ITPR1: variants seen among roughly 807,000 people sequenced by gnomAD.
ITPR1 encodes the protein inositol 1,4,5-trisphosphate-gated calcium channel ITPR1.
Under a neutral mutation model 318.4 loss-of-function variants are expected in ITPR1, and 96 were observed. The ratio of observed to expected loss-of-function variants is 0.30; its 90% CI spans 0.26 to 0.36. The LOEUF (loss-of-function observed/expected upper bound fraction) is 0.36. Among genes scored for constraint, ITPR1 ranks in the 10% least tolerant of loss-of-function variants. The pLI is 1.00. For missense variants in ITPR1, 2,440 were observed against 3,460.2 expected (o/e 0.71, Z 7.40); for synonymous variants, 1,312 against 1,289.9 (o/e 1.02, Z -0.37).
chr3:4,642,433 A>G (rs927981764), intron 7 of ITPR1, among the ~76,000 whole-genome samples, 182 bp downstream of exon 7: 1 of 152,324 alleles, frequency 6.6e-6, no homozygotes, highest in East Asian at 1.9e-4. Context: ...AGTGTGACCT[A>G]AATACTGTCA....
At chr3:4,821,742 C>A (rs1369083489) in intron 60 of ITPR1, among the ~76,000 whole-genome samples, 1 of 152,190 alleles carries the variant, frequency 6.6e-6, no homozygotes, top group Non-Finnish European at 1.5e-5. Context: ...GAACTGCCTA[C>A]AGACAAGGTG....
Position 4,745,094 on chromosome 3 carries a change from ACT to A in ITPR1, c.5544+9741_5544+9742del, listed in dbSNP as rs534562329. 2.2e-3 allele frequency among the ~76,000 whole-genome samples: 187 copies of A among 85,416 alleles called. 1 individual carries two copies. Among genetic ancestry groups the A allele is most frequent in the African/African-American group, 8.3e-3 (173 of 20,942 alleles). The allele number at this position is 85,416 out of a possible 152,430, so 56.0% of individuals were successfully genotyped here. A position where few individuals can be genotyped will look rare whatever the true frequency, so the allele number is the denominator to read the frequency against. On this transcript the variant is annotated intron_variant, in intron 44 of 61. Coordinates refer to ENST00000649015, the MANE Select transcript of ITPR1 (RefSeq NM_001378452.1). The stretch of plus-strand genomic sequence containing the variant: ...TTTTCTTTCTTTCTCTCTCTTTCTC[ACT>A]GTCTTTTTTTTTTCTTTCCCTCCTT...
At chr3:4,567,181 G>A (rs1256758235) in intron 4 of ITPR1, among the ~76,000 whole-genome samples, 1 of 152,182 alleles carries the variant, frequency 6.6e-6, no homozygotes, top group Non-Finnish European at 1.5e-5. Context: ...AGCATTAATT[G>A]AAGAGAAGTG....
chr3:4,607,509 G>A (rs2091784640), intron 4 of ITPR1, among the ~76,000 whole-genome samples: 1 of 152,144 alleles, frequency 6.6e-6, no homozygotes, highest in African/African-American at 2.4e-5. Context: ...GATTGATCAA[G>A]GCAGGGGAAT....
intron 44 of ITPR1, chr3:4,750,900 T>G (rs1315458842): frequency 6.6e-6 from 1 of 152,648 alleles, no homozygotes; most frequent in African/African-American, 2.4e-5. Flanking sequence ...CTAAGGTGTG[T>G]TTTTTCCACC....
chr3:4,800,761 G>A (rs185189930), intron 54 of ITPR1, among the ~76,000 whole-genome samples, 161 bp downstream of exon 54: 75 of 152,342 alleles, frequency 4.9e-4, no homozygotes, highest in African/African-American at 1.3e-3. Flanking sequence ...GCAGGTGGAC[G>A]TCTCCCTCTT....
At chr3:4,619,364 T>A (rs1232853149) in intron 4 of ITPR1, among the ~76,000 whole-genome samples, 1 of 152,216 alleles carries the variant, frequency 6.6e-6, no homozygotes, top group Admixed American at 6.5e-5. Context: ...TTTCCTGAAT[T>A]TCCTCTTGTA....
chr3:4,653,621 A>G (rs1485358868), intron 11 of ITPR1, among the ~76,000 whole-genome samples: 1 of 152,066 alleles, frequency 6.6e-6, no homozygotes, highest in Non-Finnish European at 1.5e-5. Flanking sequence ...TCCTCTGTCT[A>G]TACTTGAGAG....
chr3:4,595,611 A>G (rs952259615), intron 4 of ITPR1, among the ~76,000 whole-genome samples: 1 of 152,196 alleles, frequency 6.6e-6, no homozygotes, highest in Non-Finnish European at 1.5e-5. Flanking sequence ...CATTTTATGT[A>G]TGAGGAGCTG....
At chr3:4,658,547 A>G (rs551277034) in intron 13 of ITPR1, among the ~76,000 whole-genome samples, 1 of 149,150 alleles carries the variant, frequency 6.7e-6, no homozygotes, top group South Asian at 2.2e-4. Flanking sequence ...AGTTCCCTCT[A>G]CTCCCTTCCT....
intron 4 of ITPR1, among the ~76,000 whole-genome samples, chr3:4,578,419 G>A (rs2088921484): frequency 6.6e-6 from 1 of 152,112 alleles, no homozygotes; most frequent in Non-Finnish European, 1.5e-5. Flanking sequence ...ATTCAAATGA[G>A]GAGTTGTGTG....
intron 4 of ITPR1, among the ~76,000 whole-genome samples, chr3:4,539,945 A>C (rs1471022792): frequency 6.7e-6 from 1 of 149,354 alleles, no homozygotes; most frequent in Non-Finnish European, 1.5e-5. Flanking sequence ...ACCCAGTTTC[A>C]GGTATTCTGT....
rs148631915 is a variant in ITPR1, at chr3:4,633,659, A to G, written c.280-5725A>G. Among the ~76,000 whole-genome samples, 9 of 152,312 alleles carry G rather than the reference A, an allele frequency of 5.9e-5. No individual in the cohort carries two copies. The East Asian group carries it at 1.7e-3, about 29-fold the overall frequency. On this transcript the variant is annotated intron_variant, in intron 5 of 61. Coordinates refer to ENST00000649015, the MANE Select transcript of ITPR1 (RefSeq NM_001378452.1). ...TTGACTCTCTTGGTCATGTTTTCCT[A>G]AGGGTCTCTTGACAAAATGAGCTTC...
intron 4 of ITPR1, among the ~76,000 whole-genome samples, chr3:4,625,120 C>A (rs1209658625): frequency 1.3e-5 from 2 of 152,176 alleles, no homozygotes; most frequent in East Asian, 3.9e-4. Context: ...CTATCATGGT[C>A]CCATATTTAC....
chr3:4,662,766 T>C (rs2093863497), intron 15 of ITPR1, among the ~76,000 whole-genome samples: 2 of 152,020 alleles, frequency 1.3e-5, no homozygotes, highest in African/African-American at 4.8e-5. Context: ...CACTCTCTCT[T>C]TCTGTCTCTA....
At chr3:4,812,940 C>T (rs866031552) in intron 56 of ITPR1, 2 of 589,800 alleles carry the variant, frequency 3.4e-6, no homozygotes, top group South Asian at 2.0e-5. Flanking sequence ...AGTAAGCCTA[C>T]AGGAATTGAC....
intron 5 of ITPR1, among the ~76,000 whole-genome samples, chr3:4,633,080 A>C (rs2093065435): frequency 6.6e-6 from 1 of 151,976 alleles, no homozygotes; most frequent in African/African-American, 2.4e-5. Flanking sequence ...CTGGGACTTC[A>C]GGGGTGCGTC....
rs114355076 is a variant in ITPR1 at position 4,579,121 on chromosome 3, T to G, written c.164-48642T>G. Among the ~76,000 whole-genome samples, 712 of 152,328 alleles carry G rather than the reference T, an allele frequency of 4.7e-3. 3 individuals carry two copies. The highest frequency in any genetic ancestry group is 0.016 in the African/African-American group (670 of 41,572). On this transcript the variant is annotated intron_variant, in intron 4 of 61. Coordinates refer to ENST00000649015, the MANE Select transcript of ITPR1 (RefSeq NM_001378452.1). ...AGGGTCACCTTACCTGGGTCTCAGT[T>G]CCGGCCCCATAGCTCATCAGCTGTG...
At chr3:4,645,504 T>C in intron 9 of ITPR1, 34 bp downstream of exon 9, 1 of 1,604,424 alleles carries the variant, frequency 6.2e-7, no homozygotes, top group Non-Finnish European at 8.5e-7. Flanking sequence ...GAGCATTACT[T>C]GGCTCTTCTT....
Sources: gnomAD v4.1 joint callset for allele counts (sites outside exome capture counted in the v4.1 genomes callset) on GRCh38, gnomAD v4.1.1 for gene constraint, MANE v1.5 for transcripts, NCBI Gene and HGNC (gene_info 2026-07-23, HGNC 2026-07-21) for gene names.